PSMB1: variants seen among roughly 807,000 people sequenced by gnomAD.
PSMB1 encodes the protein proteasome 20S subunit beta 1.
Under a neutral mutation model 25.4 loss-of-function variants are expected in PSMB1, and 7 were observed. That is an observed-to-expected ratio of 0.28 (90% CI 0.16 to 0.52). The LOEUF is 0.52. Among genes scored for constraint, PSMB1 ranks in the 20% least tolerant of loss-of-function variants. The probability of loss-of-function intolerance (pLI) is 0.97; values close to 1 mark genes in which losing one functional copy is unlikely to be tolerated. For synonymous variants in PSMB1, 119 were observed against 115.0 expected (o/e 1.03, Z -0.22); for missense variants, 284 against 302.2 (o/e 0.94, Z 0.45).
intron 4 of PSMB1, 74 bp downstream of exon 4, chr6:170,543,527 C>T: frequency 1.4e-6 from 2 of 1,384,186 alleles, no homozygotes; most frequent in Non-Finnish European, 2.0e-6. Flanking sequence ...TTCTTTTCAA[C>T]TCTAGATGGA....
In PSMB1 at chr6:170,535,188, GT is replaced by G. The variant is rs1778674754; in HGVS notation, c.*31del. On this transcript the variant is annotated 3_prime_UTR_variant, in exon 6 of 6. Transcript: ENST00000262193. The stretch of plus-strand genomic sequence containing the variant: ...AGTTCCAAAGTACAAAATCAACCAG[GT>G]CTGAACTGATTGGTGATAAGAGCAC... 1 of 1,602,406 alleles carries G rather than the reference GT, an allele frequency of 6.2e-7. No homozygotes were observed. The highest frequency in any genetic ancestry group is 1.7e-5 in the Admixed American group (1 of 59,656).
intron 1 of PSMB1, among the ~76,000 whole-genome samples, chr6:170,552,375 C>A (rs960576682): frequency 3.3e-5 from 5 of 152,132 alleles, no homozygotes; most frequent in Non-Finnish European, 7.3e-5. Context: ...AAATCTCTGG[C>A]GTGCCACCAC....
intron 1 of PSMB1, among the ~76,000 whole-genome samples, chr6:170,552,790 C>T (rs919424371): frequency 6.6e-6 from 1 of 152,236 alleles, no homozygotes; most frequent in African/African-American, 2.4e-5. Flanking sequence ...TTCCACAGAG[C>T]AGAGGCTATG....
At chr6:170,538,431 T>C (rs1384604227) in intron 4 of PSMB1, among the ~76,000 whole-genome samples, 1 of 152,224 alleles carries the variant, frequency 6.6e-6, no homozygotes, top group Non-Finnish European at 1.5e-5. Context: ...CCAGGCGCGG[T>C]GGCTCACGCC....
At chr6:170,545,190 C>A (rs1013664566) in intron 3 of PSMB1, among the ~76,000 whole-genome samples, 1 of 151,470 alleles carries the variant, frequency 6.6e-6, no homozygotes, top group African/African-American at 2.4e-5. Flanking sequence ...CGAAACCAAG[C>A]ACCAACATTT....
chr6:170,544,494 A>G (rs1341267744), intron 3 of PSMB1, among the ~76,000 whole-genome samples: 1 of 152,232 alleles, frequency 6.6e-6, no homozygotes, highest in African/African-American at 2.4e-5. Context: ...CACAAAAATT[A>G]TAAACATAAA....
At chr6:170,540,435 C>T (rs932530710) in intron 4 of PSMB1, among the ~76,000 whole-genome samples, 9 of 151,910 alleles carry the variant, frequency 5.9e-5, no homozygotes, top group African/African-American at 1.9e-4. Context: ...GTAGTCCCAC[C>T]TCACCTCAGG....
chr6:170,544,233 G>A (rs976014145), intron 3 of PSMB1, among the ~76,000 whole-genome samples: 5 of 151,864 alleles, frequency 3.3e-5, no homozygotes, highest in African/African-American at 4.8e-5. Flanking sequence ...GAAAAATTAC[G>A]GCAATCCCTG....
intron 2 of PSMB1, among the ~76,000 whole-genome samples, chr6:170,547,862 CTA>C (rs1177389386): frequency 7.5e-6 from 1 of 132,582 alleles, no homozygotes; most frequent in African/African-American, 2.9e-5. Flanking sequence ...TTCTCTATCT[CTA>C]TATCTGACGT....
chr6:170,551,108 C>T (rs1778893954), intron 1 of PSMB1, among the ~76,000 whole-genome samples: 1 of 152,084 alleles, frequency 6.6e-6, no homozygotes, highest in African/African-American at 2.4e-5. Context: ...CACCGCTGCA[C>T]TCCGGCCTGG....
intron 2 of PSMB1, among the ~76,000 whole-genome samples, chr6:170,547,312 A>G (rs1778831272): frequency 6.6e-6 from 1 of 152,244 alleles, no homozygotes; most frequent in Admixed American, 6.5e-5. Context: ...ATAGCACCCC[A>G]AAACAAAACA....
intron 4 of PSMB1, among the ~76,000 whole-genome samples, chr6:170,542,970 G>A (rs1778774052): frequency 6.6e-6 from 1 of 152,130 alleles, no homozygotes; most frequent in Non-Finnish European, 1.5e-5. Context: ...ATTTTTAGAT[G>A]CAACCAAAAG....
At chr6:170,542,576 C>T (rs886649720) in intron 4 of PSMB1, among the ~76,000 whole-genome samples, 1 of 152,172 alleles carries the variant, frequency 6.6e-6, no homozygotes, top group African/African-American at 2.4e-5. Context: ...TATCCCTGGC[C>T]CTGAACCAAA....
In PSMB1 at chr6:170,543,715, T is replaced by C. The variant is rs1480739664; in HGVS notation, c.319A>G (p.Asn107Asp). 1.2e-6 allele frequency: 2 copies of C among 1,610,256 alleles called. No homozygotes were observed. The highest frequency in any genetic ancestry group is 3.4e-5 in the Admixed American group (2 of 59,528). ...GCCCCCGTAGTCATGGCCTTATTAT[T>C]GGAATGCTTATACATCTGCAATTAT... Reference protein sequence around the residue: ...EARLKMYKHSNNKAMTTGAIA... With the variant: ...EARLKMYKHSDNKAMTTGAIA... The change falls in exon 4 of 6, where the codon AAT becomes GAT. Residue 107 changes from asparagine (N) to aspartate (D), a missense_variant. Physicochemically the swap from Asn to Asp is conservative, Grantham distance 23. Coordinates refer to ENST00000262193, the MANE Select transcript of PSMB1 (RefSeq NM_002793.4).
chr6:170,543,524 C>A, intron 4 of PSMB1, 77 bp downstream of exon 4: 1 of 1,326,272 alleles, frequency 7.5e-7, no homozygotes, highest in Non-Finnish European at 1.0e-6. Flanking sequence ...TGGTTCTTTT[C>A]AACTCTAGAT....
intron 4 of PSMB1, among the ~76,000 whole-genome samples, chr6:170,540,616 A>G (rs1292020567): frequency 6.7e-6 from 1 of 148,322 alleles, no homozygotes; most frequent in East Asian, 2.0e-4. Flanking sequence ...AAAAAAAATC[A>G]GAGATTTGAA....
rs371461026 is a variant in PSMB1, at chr6:170,553,220, T to C, written c.23A>G (p.Tyr8Cys). 136 of 1,613,136 alleles carry C rather than the reference T, an allele frequency of 8.4e-5. No homozygotes were observed. The highest frequency in any genetic ancestry group is 1.1e-4 in the Non-Finnish European group (133 of 1,179,660). Residue 8 changes from tyrosine (Y) to cysteine (C), a missense_variant, in exon 1 of 6, where the codon TAT becomes TGT. Coordinates refer to ENST00000262193, the MANE Select transcript of PSMB1 (RefSeq NM_002793.4). MLSSTAM[Y>C]SAPGRDLGME... is the part of the protein sequence containing the mutation. Reference sequence around the variant, plus strand: ...CCCCAAGTCTCTGCCAGGAGCCGAATACATGGCTGTAGAGGACAACATCGC... The same window carrying C: ...CCCCAAGTCTCTGCCAGGAGCCGAACACATGGCTGTAGAGGACAACATCGC...
At chr6:170,549,394 T>A (rs1778863214) in intron 1 of PSMB1, 1 of 347,396 alleles carries the variant, frequency 2.9e-6, no homozygotes, top group Non-Finnish European at 5.3e-6. Context: ...AAATACTTAC[T>A]CGCGCAAGGT....
chr6:170,547,831 G>A (rs1168517691), intron 2 of PSMB1, among the ~76,000 whole-genome samples: 3 of 141,378 alleles, frequency 2.1e-5, no homozygotes, highest in Admixed American at 7.5e-5. Context: ...ACAGGCATTC[G>A]TTAATGCTGC....
Sources: allele counts gnomAD v4.1 joint callset (sites outside exome capture counted in the v4.1 genomes callset), GRCh38; gene constraint gnomAD v4.1.1; transcripts MANE v1.5; gene names NCBI Gene and HGNC (gene_info 2026-07-23, HGNC 2026-07-21).